The following DPYD variants were observed in gnomAD, a reference collection of about 807,000 sequenced individuals.
DPYD encodes dihydropyrimidine dehydrogenase, also known as dihydropyrimidine dehydrogenase [NADP(+)].
DPYD carries 109 observed loss-of-function variants against 116.2 expected under a neutral mutation model. That is an observed-to-expected ratio of 0.94 (90% CI 0.80 to 1.10). The LOEUF (loss-of-function observed/expected upper bound fraction) is 1.10, where lower values mean the gene tolerates loss of function less well. DPYD is among the 50% of genes least tolerant of loss of function. The pLI, the probability that DPYD is intolerant of heterozygous loss-of-function variation, is 0.00. For synonymous variants in DPYD, 440 were observed against 432.0 expected, an observed-to-expected ratio of 1.02 and a Z score of -0.23; for missense variants, 1,302 against 1,254.5, an observed-to-expected ratio of 1.04 and a Z score of -0.57.
intron 12 of DPYD, among the ~76,000 whole-genome samples, chr1:97,544,257 T>C (rs548966626): frequency 1.8e-4 from 28 of 152,324 alleles, no homozygotes; most frequent in African/African-American, 4.1e-4. Context: ...TTTGTCTATA[T>C]GTACCTTGTT....
chr1:97,100,464 G>A (rs1255442339), intron 20 of DPYD, among the ~76,000 whole-genome samples: 1 of 152,050 alleles, frequency 6.6e-6, no homozygotes, highest in Non-Finnish European at 1.5e-5. Context: ...TATCAAGAAC[G>A]GTTAAGTGTT....
chr1:97,337,155 C>A (rs1669334687), intron 16 of DPYD, among the ~76,000 whole-genome samples: 1 of 152,010 alleles, frequency 6.6e-6, no homozygotes, highest in African/African-American at 2.4e-5. Context: ...TTTTATCATG[C>A]ATGTAGGAGA....
chr1:97,706,239 C>T (rs1233886917), intron 5 of DPYD, among the ~76,000 whole-genome samples: 1 of 151,608 alleles, frequency 6.6e-6, no homozygotes, highest in Non-Finnish European at 1.5e-5. Flanking sequence ...CTTTACAAAC[C>T]AAGAATTGTT....
At chr1:97,819,028 T>C (rs1318686599) in intron 3 of DPYD, among the ~76,000 whole-genome samples, 1 of 152,006 alleles carries the variant, frequency 6.6e-6, no homozygotes, top group South Asian at 2.1e-4. Context: ...TGCATGATTA[T>C]GTAAAGTAAT....
chr1:97,428,769 C>T (rs1291353406), intron 14 of DPYD, among the ~76,000 whole-genome samples: 1 of 79,176 alleles, frequency 1.3e-5, no homozygotes, highest in Non-Finnish European at 2.9e-5. Flanking sequence ...TCAGCAAGTC[C>T]TTAAGTTTTC....
chr1:97,444,654 A>G (rs543745651), intron 14 of DPYD, among the ~76,000 whole-genome samples: 12 of 152,252 alleles, frequency 7.9e-5, no homozygotes, highest in African/African-American at 2.9e-4. Flanking sequence ...TATTCATTGT[A>G]TCCACAGGAG....
chr1:97,445,475 C>T (rs942063014), intron 14 of DPYD, among the ~76,000 whole-genome samples: 8 of 152,114 alleles, frequency 5.3e-5, no homozygotes, highest in Non-Finnish European at 1.2e-4. Flanking sequence ...TGTTAAGGCC[C>T]CTTCATGAAT....
chr1:97,367,095 G>T (rs150316258), intron 16 of DPYD, among the ~76,000 whole-genome samples: 135 of 152,198 alleles, frequency 8.9e-4, no homozygotes, highest in African/African-American at 3.1e-3. Flanking sequence ...AGCTGCTGAA[G>T]GAAGACTTTA....
chr1:97,081,494 T>C (rs1649142775), intron 22 of DPYD, among the ~76,000 whole-genome samples: 2 of 152,036 alleles, frequency 1.3e-5, no homozygotes, highest in African/African-American at 4.8e-5. Context: ...AAAAGTATTG[T>C]TATGATCATT....
rs559858718 is a variant in DPYD, at chr1:97,257,554, C to T, written c.2300-22560G>A. 1.4e-3 allele frequency among the ~76,000 whole-genome samples: 202 copies of T among 146,524 alleles called. 1 individual carries two copies. In the South Asian group the frequency reaches 0.019, roughly 13 times the overall value. ...GTATATGTGTGTGTATATATGTATA[C>T]GTATATATATATTTGTGTATGTATA... On this transcript the variant is annotated intron_variant, in intron 18 of 22. Transcript: ENST00000370192.
chr1:97,671,124 A>G lies in DPYD; in HGVS notation c.850+7971T>C, dbSNP rs1214454799. On this transcript the variant is annotated intron_variant, in intron 8 of 22. Transcript: ENST00000370192. ...AGCTGTATAATGTTAAAATAACCTT[A>G]GTGATTAATAAATTATCTCCTTTTT... is the stretch of plus-strand genomic sequence containing the variant. Among the ~76,000 whole-genome samples, 3 of 152,100 alleles carry G rather than the reference A, an allele frequency of 2.0e-5. No individual in the cohort carries two copies. In the East Asian group the frequency reaches 5.8e-4, roughly 29 times the overall value.
chr1:97,658,862 T>C (rs983641884), intron 8 of DPYD, among the ~76,000 whole-genome samples: 1 of 152,190 alleles, frequency 6.6e-6, no homozygotes, highest in African/African-American at 2.4e-5. Context: ...AAAATTGGAC[T>C]GTCACAGATC....
At chr1:97,767,490 GTTCTGT>G (rs68091125) in intron 3 of DPYD, among the ~76,000 whole-genome samples, 112,747 of 151,100 alleles carry the variant, frequency 0.75, 42,510 homozygotes, top group East Asian at 0.98. Flanking sequence ...AACTCTGCAT[GTTCTGT>G]TTCCTCTCTG....
chr1:97,440,024 C>T (rs1229557477), intron 14 of DPYD, among the ~76,000 whole-genome samples: 1 of 151,612 alleles, frequency 6.6e-6, no homozygotes, highest in Non-Finnish European at 1.5e-5. Flanking sequence ...GCCTGTAATC[C>T]CAGCACTTTG....
chr1:97,404,759 G>A (rs12022771), intron 14 of DPYD, among the ~76,000 whole-genome samples: 29,168 of 151,792 alleles, frequency 0.19, 2,970 homozygotes, highest in South Asian at 0.36. Flanking sequence ...TTTAATTGGC[G>A]TATTTAGATC....
chr1:97,814,978 AAG>A (rs1390556347), intron 3 of DPYD, among the ~76,000 whole-genome samples: 1 of 133,740 alleles, frequency 7.5e-6, no homozygotes, highest in African/African-American at 2.8e-5. Flanking sequence ...AAGAAAGACA[AAG>A]AGAGAAAGGA....
chr1:97,721,181 T>C (rs776666178), intron 5 of DPYD, among the ~76,000 whole-genome samples: 1 of 151,754 alleles, frequency 6.6e-6, no homozygotes, highest in Non-Finnish European at 1.5e-5. Flanking sequence ...TTACAGAAGA[T>C]AGTCTTTTCA....
chr1:97,395,831 C>T (rs762490254), intron 14 of DPYD, among the ~76,000 whole-genome samples: 2 of 151,968 alleles, frequency 1.3e-5, no homozygotes, highest in Non-Finnish European at 2.9e-5. Context: ...ACCAAGACGA[C>T]AAGCCAGCAT....
intron 19 of DPYD, among the ~76,000 whole-genome samples, chr1:97,231,483 C>A (rs971780567): frequency 5.9e-5 from 9 of 152,092 alleles, no homozygotes; most frequent in African/African-American, 1.9e-4. Context: ...TCTTACATGG[C>A]GGCAGGCAAG....
Sources: gnomAD v4.1 joint callset for allele counts (sites outside exome capture counted in the v4.1 genomes callset) on GRCh38, gnomAD v4.1.1 for gene constraint, MANE v1.5 for transcripts, NCBI Gene and HGNC (gene_info 2026-07-23, HGNC 2026-07-21) for gene names.